The following REDIC1 variants were observed in gnomAD, a reference collection of about 807,000 sequenced individuals.
REDIC1 encodes regulator of DNA class I crossover intermediates 1, also known as HEI10 Interacting Protein 1.
the REDIC1 span, among the ~76,000 whole-genome samples, chr12:39,632,816 C>CATATCTTAAT: frequency 6.6e-6 from 1 of 152,050 alleles, no homozygotes; most frequent in Admixed American, 6.6e-5. Context: ...TGTATCTAAA[C>CATATCTTAAT]ATATCTTAAT....
chr12:39,626,612 C>G, the REDIC1 span, among the ~76,000 whole-genome samples: 1 of 152,210 alleles, frequency 6.6e-6, no homozygotes, highest in Non-Finnish European at 1.5e-5. Context: ...ACCTTCCCTG[C>G]TGCCCCTCCT....
chr12:39,660,509 T>TA, the REDIC1 span, among the ~76,000 whole-genome samples: 7 of 151,292 alleles, frequency 4.6e-5, no homozygotes, highest in African/African-American at 1.7e-4. Flanking sequence ...TCTTTTTTTT[T>TA]AAATTTTTTA....
chr12:39,761,429 G>A, the REDIC1 span, among the ~76,000 whole-genome samples: 1 of 152,026 alleles, frequency 6.6e-6, no homozygotes, highest in Non-Finnish European at 1.5e-5. Context: ...TAGAAATAAT[G>A]TATGTTATCA....
At chr12:39,697,792 T>C in the REDIC1 span, among the ~76,000 whole-genome samples, 1 of 151,996 alleles carries the variant, frequency 6.6e-6, no homozygotes, top group Non-Finnish European at 1.5e-5. Context: ...AAATAAATTA[T>C]GTCACCAGAG....
chr12:39,746,813 C>T, the REDIC1 span, among the ~76,000 whole-genome samples: 1 of 152,254 alleles, frequency 6.6e-6, no homozygotes, highest in Non-Finnish European at 1.5e-5. Flanking sequence ...CCTAGGCAAA[C>T]AGCATCTGGA....
At chr12:39,657,293 G>C in the REDIC1 span, among the ~76,000 whole-genome samples, 2 of 152,178 alleles carry the variant, frequency 1.3e-5, no homozygotes, top group Admixed American at 6.5e-5. Flanking sequence ...ATACTGTACA[G>C]GTTTGTAGCC....
At chr12:39,720,238 A>G in the REDIC1 span, among the ~76,000 whole-genome samples, 5 of 151,990 alleles carry the variant, frequency 3.3e-5, no homozygotes, top group African/African-American at 9.6e-5. Flanking sequence ...TTAATTTCCT[A>G]TTACCTGATG....
the REDIC1 span, among the ~76,000 whole-genome samples, chr12:39,870,451 T>C: frequency 1.3e-5 from 2 of 152,168 alleles, no homozygotes; most frequent in Non-Finnish European, 2.9e-5. Context: ...ATAGCTCTGA[T>C]TATTGGGGAT....
the REDIC1 span, chr12:39,736,905 T>C: frequency 6.6e-6 from 1 of 152,198 alleles, no homozygotes; most frequent in African/African-American, 2.4e-5. Flanking sequence ...CCATGGTGAG[T>C]AGAAACAAGC....
chr12:39,782,323 G>A, the REDIC1 span, among the ~76,000 whole-genome samples: 1 of 152,066 alleles, frequency 6.6e-6, no homozygotes, highest in South Asian at 2.1e-4. Context: ...TACCCAGGGG[G>A]AGCTAATTGA....
At chr12:39,813,076 C>A in the REDIC1 span, among the ~76,000 whole-genome samples, 4 of 138,538 alleles carry the variant, frequency 2.9e-5, no homozygotes, top group African/African-American at 5.4e-5. Flanking sequence ...AACTCCTGGC[C>A]TCAAGTGATC....
the REDIC1 span, among the ~76,000 whole-genome samples, chr12:39,784,727 G>A: frequency 5.9e-5 from 9 of 152,122 alleles, no homozygotes; most frequent in East Asian, 1.7e-3. Context: ...TGACAAACGG[G>A]ATCTAATTAA....
At chr12:39,885,887 G>A in the REDIC1 span, among the ~76,000 whole-genome samples, 3 of 152,098 alleles carry the variant, frequency 2.0e-5, no homozygotes, top group South Asian at 4.1e-4. Context: ...AGATTCTAAC[G>A]TATTTGGTTC....
At chr12:39,656,733 A>T in the REDIC1 span, among the ~76,000 whole-genome samples, 1 of 152,314 alleles carries the variant, frequency 6.6e-6, no homozygotes, top group Admixed American at 6.5e-5. Context: ...AGACAGTGAG[A>T]TTGATGATCC....
chr12:39,720,940 C>A, the REDIC1 span: 1 of 1,613,522 alleles, frequency 6.2e-7, no homozygotes, highest in East Asian at 2.2e-5. Flanking sequence ...AATTCACAAA[C>A]AGAATGAGAA....
the REDIC1 span, among the ~76,000 whole-genome samples, chr12:39,698,742 TG>T: frequency 1.3e-5 from 2 of 152,140 alleles, no homozygotes; most frequent in Non-Finnish European, 2.9e-5. Context: ...GAATGACCAG[TG>T]GGTCAATGAA....
chr12:39,826,235 CTAAA>C, the REDIC1 span, among the ~76,000 whole-genome samples: 1 of 151,888 alleles, frequency 6.6e-6, no homozygotes, highest in Admixed American at 6.6e-5. Flanking sequence ...TGTAAATTTT[CTAAA>C]TAGTCTCTGC....
the REDIC1 span, among the ~76,000 whole-genome samples, chr12:39,654,269 C>T: frequency 6.6e-6 from 1 of 152,026 alleles, no homozygotes; most frequent in South Asian, 2.1e-4. Flanking sequence ...AGGTGTCAAA[C>T]CACCTTGTAT....
chr12:39,788,275 T>TA, the REDIC1 span, among the ~76,000 whole-genome samples: 3 of 152,144 alleles, frequency 2.0e-5, no homozygotes, highest in South Asian at 2.1e-4. Context: ...AATAATAAAA[T>TA]AAAAAACAAT....
Sources: gnomAD v4.1 joint callset for allele counts (sites outside exome capture counted in the v4.1 genomes callset) on GRCh38, gnomAD v4.1.1 for gene constraint, MANE v1.5 for transcripts, NCBI Gene and HGNC (gene_info 2026-07-23, HGNC 2026-07-21) for gene names.